Variants in MAPKAP1 observed in about 807,000 individuals in gnomAD.
MAPKAP1 encodes the protein MAPK associated protein 1, also known as target of rapamycin complex 2 subunit MAPKAP1.
Under a neutral mutation model 65.7 loss-of-function variants are expected in MAPKAP1, and 20 were observed. The observed-to-expected ratio is 0.30, with a 90% CI of 0.21 to 0.44. The LOEUF (loss-of-function observed/expected upper bound fraction) is 0.44, where lower values mean the gene tolerates loss of function less well. MAPKAP1 is among the 20% of genes least tolerant of loss of function. The probability of loss-of-function intolerance (pLI) is 1.00; values close to 1 mark genes in which losing one functional copy is unlikely to be tolerated. For missense variants in MAPKAP1, 423 were observed against 648.0 expected (o/e 0.65, Z 3.77); for synonymous variants, 222 against 244.3 (o/e 0.91, Z 0.85).
chr9:125,617,967 A>AT (rs1365060938), intron 4 of MAPKAP1, among the ~76,000 whole-genome samples: 2 of 152,130 alleles, frequency 1.3e-5, no homozygotes, highest in Non-Finnish European at 2.9e-5. Flanking sequence ...TCAGTATTTA[A>AT]TTTTTTCTAA....
chr9:125,443,103 T>C (rs938710233), intron 11 of MAPKAP1, among the ~76,000 whole-genome samples: 1 of 152,250 alleles, frequency 6.6e-6, no homozygotes, highest in Admixed American at 6.5e-5. Flanking sequence ...GAAGATGCAC[T>C]GTGATGGGAC....
At chr9:125,543,428 G>A (rs556159837) in intron 6 of MAPKAP1, among the ~76,000 whole-genome samples, 34 of 151,644 alleles carry the variant, frequency 2.2e-4, no homozygotes, top group Admixed American at 1.1e-3. Context: ...CACTACATCC[G>A]GCTAATTTTT....
At chr9:125,589,762 T>C (rs973157101) in intron 4 of MAPKAP1, among the ~76,000 whole-genome samples, 8 of 152,092 alleles carry the variant, frequency 5.3e-5, no homozygotes, top group Non-Finnish European at 8.8e-5. Flanking sequence ...GCCTCATCTG[T>C]ATGTTACAAA....
At chr9:125,671,119 T>C (rs190754741) in intron 2 of MAPKAP1, among the ~76,000 whole-genome samples, 10 of 152,284 alleles carry the variant, frequency 6.6e-5, no homozygotes, top group Admixed American at 3.9e-4. Context: ...TGAAATACAT[T>C]CAACCTGTCA....
chr9:125,632,891 T>C (rs896290666), intron 4 of MAPKAP1, among the ~76,000 whole-genome samples: 1 of 152,242 alleles, frequency 6.6e-6, no homozygotes, highest in Admixed American at 6.5e-5. Flanking sequence ...GCAAGAATAC[T>C]ATGCAAAAAT....
At chr9:125,691,962 T>C (rs1379549961) in intron 1 of MAPKAP1, among the ~76,000 whole-genome samples, 1 of 152,204 alleles carries the variant, frequency 6.6e-6, no homozygotes, top group Non-Finnish European at 1.5e-5. Context: ...AAAAGTCTTG[T>C]GGAATTCCTA....
intron 9 of MAPKAP1, among the ~76,000 whole-genome samples, chr9:125,484,234 T>G (rs1291560038): frequency 6.6e-6 from 1 of 152,212 alleles, no homozygotes; most frequent in Non-Finnish European, 1.5e-5. Context: ...GTTCTATTTC[T>G]AATCTTCTGC....
chr9:125,551,396 G>A (rs10986791), intron 6 of MAPKAP1, among the ~76,000 whole-genome samples: 2,998 of 152,182 alleles, frequency 0.02, 160 homozygotes, highest in East Asian at 0.15. Flanking sequence ...GCAGCTCATC[G>A]TTCCCTTTCT....
At chr9:125,636,688 CTG>C (rs1833434349) in intron 4 of MAPKAP1, among the ~76,000 whole-genome samples, 1 of 152,244 alleles carries the variant, frequency 6.6e-6, no homozygotes, top group African/African-American at 2.4e-5. Context: ...CCTTGGTCAT[CTG>C]TTATGTGCCA....
intron 2 of MAPKAP1, among the ~76,000 whole-genome samples, chr9:125,671,771 T>C (rs1000341654): frequency 7.9e-5 from 12 of 151,980 alleles, no homozygotes; most frequent in African/African-American, 2.9e-4. Context: ...AGGCGAAGTA[T>C]CAAAAACAGG....
intron 9 of MAPKAP1, among the ~76,000 whole-genome samples, chr9:125,476,107 G>T (rs1253062085): frequency 2.6e-5 from 4 of 152,190 alleles, no homozygotes; most frequent in African/African-American, 9.7e-5. Context: ...GGAGCAGGGA[G>T]CCAGAGGAAG....
chr9:125,654,944 T>A (rs923259420), intron 4 of MAPKAP1, among the ~76,000 whole-genome samples: 1 of 152,058 alleles, frequency 6.6e-6, no homozygotes, highest in East Asian at 1.9e-4. Flanking sequence ...CCCAAACTCT[T>A]CCCCATCCCC....
chr9:125,447,187 C>T lies in MAPKAP1; in HGVS notation c.1346-2589G>A, dbSNP rs1266028794. 4 of 291,146 alleles carry T rather than the reference C, an allele frequency of 1.4e-5. No homozygotes were observed. The East Asian group carries it at 2.7e-4, about 20-fold the overall frequency. 18.0% of individuals were successfully genotyped at this position (291,146 alleles called of 1,614,324 possible). A position where few individuals can be genotyped will look rare whatever the true frequency, so the allele number is the denominator to read the frequency against. On this transcript the variant is annotated intron_variant, in intron 10 of 11. Transcript: ENST00000265960. The surrounding 1 kb of genome is among the most constrained non-coding windows in gnomAD (Gnocchi z 4.5). Reference sequence around the variant, plus strand: ...GGTTGCATGTGGAGGCTGTGTGTGTCTCCTGCCTATCCCCAGGGCTCATTC... The same window carrying T: ...GGTTGCATGTGGAGGCTGTGTGTGTTTCCTGCCTATCCCCAGGGCTCATTC...
chr9:125,695,046 TTG>T (rs1248869934), intron 1 of MAPKAP1, among the ~76,000 whole-genome samples: 1 of 152,242 alleles, frequency 6.6e-6, no homozygotes, highest in African/African-American at 2.4e-5. Context: ...TGAATTCTTA[TTG>T]TGTTTGTTGA....
chr9:125,595,375 T>C lies in MAPKAP1; in HGVS notation c.499-9648A>G, dbSNP rs892427620. 3.9e-5 allele frequency: 10 copies of C among 256,106 alleles called. No homozygotes were observed. Among genetic ancestry groups the C allele is most frequent in the African/African-American group, 1.9e-4 (8 of 43,232 alleles). The allele number at this position is 256,106 out of a possible 1,614,324, so 15.9% of individuals were successfully genotyped here. A position where few individuals can be genotyped will look rare whatever the true frequency, so the allele number is the denominator to read the frequency against. ...CTAATACACAGAATGTGAACAGATA[T>C]AGAATTGAAATGTATGTATTTGAAC... On this transcript the variant is annotated intron_variant, in intron 4 of 11. Coordinates refer to ENST00000265960, the MANE Select transcript of MAPKAP1 (RefSeq NM_001006617.3). This position sits in a 1 kb window ranked among gnomAD's most constrained non-coding sequence, Gnocchi z 4.0.
intron 4 of MAPKAP1, among the ~76,000 whole-genome samples, chr9:125,587,956 A>T (rs1831838148): frequency 6.6e-6 from 1 of 152,258 alleles, no homozygotes; most frequent in South Asian, 2.1e-4. Flanking sequence ...TGAAATCCTC[A>T]GACACTGCCA....
chr9:125,451,919 C>T (rs1852969454), intron 10 of MAPKAP1, among the ~76,000 whole-genome samples: 1 of 151,604 alleles, frequency 6.6e-6, no homozygotes, highest in African/African-American at 2.4e-5. Flanking sequence ...AAGCCATTCT[C>T]CTGCCTCAGC....
chr9:125,445,196 G>A (rs908419499), intron 10 of MAPKAP1, among the ~76,000 whole-genome samples: 3 of 152,180 alleles, frequency 2.0e-5, no homozygotes, highest in Non-Finnish European at 4.4e-5. Context: ...CGACTCCAGG[G>A]GGCAGAGCTT....
intron 9 of MAPKAP1, among the ~76,000 whole-genome samples, chr9:125,473,144 G>A (rs116472533): frequency 0.011 from 1,631 of 151,618 alleles, 38 homozygotes; most frequent in African/African-American, 0.037. Flanking sequence ...TGGTATGCCA[G>A]GGGTTGCGCT....
Sources: gnomAD v4.1 joint callset for allele counts (sites outside exome capture counted in the v4.1 genomes callset) on GRCh38, gnomAD v4.1.1 for gene constraint, Gnocchi (gnomAD v3.1) non-coding constraint, MANE v1.5 for transcripts, NCBI Gene and HGNC (gene_info 2026-07-23, HGNC 2026-07-21) for gene names.